Variants in CD226 observed in about 807,000 individuals in gnomAD.
The protein encoded by CD226 is CD226 molecule.
A neutral mutation model predicts 34.9 loss-of-function variants in CD226; 24 were observed. The ratio of observed to expected loss-of-function variants is 0.69; its 90% CI spans 0.50 to 0.97. The LOEUF (loss-of-function observed/expected upper bound fraction) is 0.97. Ranked by LOEUF, CD226 falls within the 50% of genes least tolerant of loss-of-function variation. The pLI is 0.00. For synonymous variants in CD226, 148 were observed against 147.4 expected (o/e 1.00, Z -0.03); for missense variants, 397 against 412.7 (o/e 0.96, Z 0.33).
chr18:69,946,673 TAGAAATAAATGTTGTAAGTG>T (rs2145367581), intron 2 of CD226, 41 bp downstream of exon 2: 15 of 1,130,340 alleles, frequency 1.3e-5, no homozygotes, highest in Non-Finnish European at 1.8e-5. Context: ...TTGGGCTTTA[TAGAAATAAATGTTGTAAGTG>T]GATAAAAAGG....
intron 2 of CD226, 84 bp downstream of exon 2, chr18:69,946,650 C>T: frequency 1.1e-6 from 1 of 891,034 alleles, no homozygotes. Context: ...AGAAGACATT[C>T]TATAGCTTCT....
At chr18:69,916,133 T>A (rs1257702242) in intron 2 of CD226, among the ~76,000 whole-genome samples, 1 of 152,202 alleles carries the variant, frequency 6.6e-6, no homozygotes, top group African/African-American at 2.4e-5. Context: ...TGCAAATAAA[T>A]AAATCACTGA....
chr18:69,904,814 C>T (rs7242721), intron 2 of CD226, among the ~76,000 whole-genome samples: 2 of 152,078 alleles, frequency 1.3e-5, no homozygotes, highest in East Asian at 3.8e-4. Flanking sequence ...TACCAATTGG[C>T]CCCCCAGGTT....
rs1460399901 is a variant in CD226, at chr18:69,856,417, GA to G, written c.*7896del. 6.6e-6 allele frequency: 1 copy of G among 152,132 alleles called. No homozygotes were observed. The highest frequency in any genetic ancestry group is 1.5e-5 in the Non-Finnish European group (1 of 68,016). The allele number at this position is 152,132 out of a possible 1,614,324, so 9.4% of individuals were successfully genotyped here. On this transcript the variant is annotated 3_prime_UTR_variant, in exon 6 of 6. Coordinates refer to ENST00000582621, the MANE Select transcript of CD226 (RefSeq NM_001303618.2). ...GATAGATCAAGAAGAGGGAAAATCA[GA>G]AAGGATATAGATAATCTGAACGGTG...
At position 69,863,406 on chromosome 18, in the gene CD226, G is replaced by C. The variant is rs1398868737; in HGVS notation, c.*908C>G. On this transcript the variant is annotated 3_prime_UTR_variant, in exon 6 of 6. Coordinates refer to ENST00000582621, the MANE Select transcript of CD226 (RefSeq NM_001303618.2). ...TCTACTACATTTGCTCCTAAGGCTA[G>C]ACCTGGGATGGCGGCAAGAATTCTA... The C allele has an allele frequency of 3.3e-5, 5 of 152,182 alleles. No homozygotes were observed. The highest frequency in any genetic ancestry group is 3.3e-4 in the Admixed American group (5 of 15,280). 9.4% of individuals were successfully genotyped at this position (152,182 alleles called of 1,614,324 possible).
chr18:69,895,891 G>A lies in CD226; in HGVS notation c.537C>T (p.Cys179=). 1.2e-6 allele frequency: 2 copies of A among 1,614,178 alleles called. No individual in the cohort carries two copies. Among genetic ancestry groups the A allele is most frequent in the Non-Finnish European group, 1.7e-6 (2 of 1,180,032 alleles). Residue 179 remains cysteine (C), a synonymous_variant, in exon 3 of 6, where the codon TGC becomes TGT. Transcript: ENST00000582621. ...TGAAATTTCTGCCATGGACCAAGTT[G>A]CAGTAAGTTAAGAGGTCGATCTGAC... ...QPRQIDLLTY[C]NLVHGRNFTS...
chr18:69,905,345 A>G (rs1044173829), intron 2 of CD226, among the ~76,000 whole-genome samples: 2 of 152,214 alleles, frequency 1.3e-5, no homozygotes, highest in African/African-American at 4.8e-5. Flanking sequence ...AAAATTTTCA[A>G]TTCCCGGCAG....
intron 3 of CD226, among the ~76,000 whole-genome samples, chr18:69,875,596 G>A (rs1423608302): frequency 1.3e-5 from 2 of 152,206 alleles, no homozygotes; most frequent in Non-Finnish European, 2.9e-5. Context: ...TAGGTGTGAG[G>A]TGAGAGCTCA....
At chr18:69,901,037 G>A (rs1189860536) in intron 2 of CD226, among the ~76,000 whole-genome samples, 1 of 152,096 alleles carries the variant, frequency 6.6e-6, no homozygotes, top group Non-Finnish European at 1.5e-5. Context: ...AATCAAACCT[G>A]ATGCTAATCA....
intron 2 of CD226, among the ~76,000 whole-genome samples, chr18:69,898,653 AGT>A (rs1985437681): frequency 6.6e-6 from 1 of 152,190 alleles, no homozygotes; most frequent in Non-Finnish European, 1.5e-5. Context: ...AGAAGCTCAG[AGT>A]AGCCCCTGAT....
At chr18:69,958,191 G>A (rs2055911675), upstream of CD226, among the ~76,000 whole-genome samples, 1 of 152,168 alleles carries the variant, frequency 6.6e-6, no homozygotes, top group Non-Finnish European at 1.5e-5. Context: ...TTCACTCGCT[G>A]CATTTTTTAC....
chr18:69,934,362 A>T (rs1018106118), intron 2 of CD226, among the ~76,000 whole-genome samples: 1 of 152,070 alleles, frequency 6.6e-6, no homozygotes, highest in East Asian at 1.9e-4. Flanking sequence ...TGTTGGTAGC[A>T]TATAGAATTT....
intron 2 of CD226, among the ~76,000 whole-genome samples, chr18:69,939,353 A>G (rs2055694808): frequency 1.3e-5 from 2 of 152,320 alleles, no homozygotes; most frequent in Middle Eastern, 3.4e-3. Context: ...AAGGAACCCT[A>G]GTTTACCTAT....
intron 2 of CD226, among the ~76,000 whole-genome samples, chr18:69,904,349 G>C (rs997218353): frequency 1.3e-5 from 2 of 152,192 alleles, no homozygotes; most frequent in Non-Finnish European, 2.9e-5. Flanking sequence ...GAACAGCAAA[G>C]GACTTGCAAT....
At position 69,946,921 on chromosome 18, in the gene CD226, A is replaced by G. The variant is rs2055800590; in HGVS notation, c.195T>C (p.Pro65=). 1 of 1,614,202 alleles carries G rather than the reference A, an allele frequency of 6.2e-7. No homozygotes were observed. The highest frequency in any genetic ancestry group is 8.5e-7 in the Non-Finnish European group (1 of 1,180,020). The change falls in exon 2 of 6, where the codon CCT becomes CCC. Residue 65 remains proline (P), a synonymous_variant. Coordinates refer to ENST00000582621, the MANE Select transcript of CD226 (RefSeq NM_001303618.2). ...TQQDSIAIFS[P]THGMVIRKPY... The stretch of plus-strand genomic sequence containing the variant: ...GCTTCCTTATGACCATGCCATGAGT[A>G]GGGCTGAAAATGGCTATGGAATCCT...
intron 4 of CD226, among the ~76,000 whole-genome samples, chr18:69,870,969 T>C (rs1401216587): frequency 6.6e-6 from 1 of 152,236 alleles, no homozygotes; most frequent in African/African-American, 2.4e-5. Flanking sequence ...TGTGCATCCA[T>C]GATTACAAAT....
At chr18:69,865,770 G>C (rs1189025913) in intron 5 of CD226, among the ~76,000 whole-genome samples, 1 of 152,172 alleles carries the variant, frequency 6.6e-6, no homozygotes, top group Admixed American at 6.5e-5. Context: ...GAAGGCATCT[G>C]ATGAACACAT....
chr18:69,874,090 C>A (rs1983717209), intron 3 of CD226, among the ~76,000 whole-genome samples: 1 of 152,102 alleles, frequency 6.6e-6, no homozygotes, highest in Non-Finnish European at 1.5e-5. Context: ...ATCTGAAATT[C>A]TCATCCTAAA....
upstream of CD226, among the ~76,000 whole-genome samples, chr18:69,957,356 T>C (rs2055906776): frequency 6.6e-6 from 1 of 151,718 alleles, no homozygotes; most frequent in African/African-American, 2.4e-5. Flanking sequence ...TACTCTTTTT[T>C]TTTTCTTTGT....
Sources: allele counts gnomAD v4.1 joint callset (sites outside exome capture counted in the v4.1 genomes callset), GRCh38; gene constraint gnomAD v4.1.1; transcripts MANE v1.5; gene names NCBI Gene and HGNC (gene_info 2026-07-23, HGNC 2026-07-21).